Variants in ASB15 observed in about 807,000 individuals in gnomAD.
ASB15 encodes the protein ankyrin repeat and SOCS box protein 15.
In ASB15, 54 loss-of-function variants were observed where a neutral mutation model predicts 58.0. The ratio of observed to expected loss-of-function variants is 0.93; its 90% CI spans 0.75 to 1.17. ASB15 has a LOEUF of 1.17. Among genes scored for constraint, ASB15 ranks in the 50% most tolerant of loss-of-function variants. ASB15 has a pLI of 0.00. For missense variants in ASB15, 680 were observed against 707.4 expected, an observed-to-expected ratio of 0.96 and a Z score of 0.44; for synonymous variants, 249 against 262.4, an observed-to-expected ratio of 0.95 and a Z score of 0.50.
chr7:123,627,900 A>C (rs1333455659), intron 9 of ASB15, among the ~76,000 whole-genome samples: 1 of 152,210 alleles, frequency 6.6e-6, no homozygotes, highest in Non-Finnish European at 1.5e-5. Context: ...ATAAGCTCAA[A>C]AACTTTGAAG....
At chr7:123,594,981 CA>C (rs902193330) in intron 1 of ASB15, among the ~76,000 whole-genome samples, 2 of 152,180 alleles carry the variant, frequency 1.3e-5, no homozygotes, top group African/African-American at 4.8e-5. Context: ...ACACTGTGAG[CA>C]TAAAACCGCC....
chr7:123,605,355 G>A (rs1195091672), intron 2 of ASB15, among the ~76,000 whole-genome samples: 5 of 152,142 alleles, frequency 3.3e-5, no homozygotes, highest in African/African-American at 1.2e-4. Flanking sequence ...AGATGCTGGC[G>A]AGGTTATGGA....
intron 1 of ASB15, among the ~76,000 whole-genome samples, chr7:123,591,964 C>T (rs1241027036): frequency 6.6e-6 from 1 of 152,120 alleles, no homozygotes; most frequent in Non-Finnish European, 1.5e-5. Flanking sequence ...TTAATTAATG[C>T]CTCAATTTCA....
At chr7:123,614,438 C>T in intron 3 of ASB15, 63 bp from the exon 4 acceptor site, 1 of 980,250 alleles carries the variant, frequency 1.0e-6, no homozygotes, top group Non-Finnish European at 1.6e-6. Context: ...CATGTTTACT[C>T]TATGTACTGT....
At chr7:123,568,028 T>A (rs1798806377) in intron 1 of ASB15, among the ~76,000 whole-genome samples, 1 of 152,178 alleles carries the variant, frequency 6.6e-6, no homozygotes, top group South Asian at 2.1e-4. Context: ...TTTTCAGATA[T>A]GTTGATTTTC....
rs756655376 is a variant in ASB15, at chr7:123,629,098, C to T, written c.1104C>T (p.Val368=). 5 of 1,613,858 alleles carry T rather than the reference C, an allele frequency of 3.1e-6. No individual in the cohort carries two copies. Among genetic ancestry groups the T allele is most frequent in the Non-Finnish European group, 4.2e-6 (5 of 1,179,786 alleles). Residue 368 remains valine (V), a synonymous_variant, in exon 10 of 12, where the codon GTC becomes GTT. Coordinates refer to ENST00000451215, the MANE Select transcript of ASB15 (RefSeq NM_001290258.2). ...VSNNDVHCTE[V]LLAAGADPNL... is the part of the protein sequence containing the mutation. ...ATAATGACGTTCATTGCACAGAAGT[C>T]CTTCTGGCTGCAGGTGCAGACCCAA...
intron 1 of ASB15, among the ~76,000 whole-genome samples, chr7:123,595,508 A>G (rs1799668643): frequency 6.6e-6 from 1 of 152,156 alleles, no homozygotes; most frequent in African/African-American, 2.4e-5. Context: ...TTCAATGACC[A>G]ACTATCGTCA....
intron 2 of ASB15, among the ~76,000 whole-genome samples, chr7:123,605,544 G>A (rs184676166): frequency 2.6e-5 from 4 of 152,198 alleles, no homozygotes; most frequent in East Asian, 1.9e-4. Context: ...ACATGCACAC[G>A]TACGTTCACT....
In ASB15 at chr7:123,617,586, T is replaced by G. The variant is rs1354939540; in HGVS notation, c.300T>G (p.Tyr100Ter). 1.2e-6 allele frequency: 2 copies of G among 1,609,454 alleles called. No individual in the cohort carries two copies. The highest frequency in any genetic ancestry group is 1.7e-6 in the Non-Finnish European group (2 of 1,176,068). ...AATGCTTTCATGTCACAGCATCCTA[T>G]AAGACACTCTGGGAATTCAAGACCT... ...QILEIVLDAS[Y>*]KTLWEFKTCD... The change falls in exon 7 of 12, where the codon TAT becomes TAG. Residue 100 changes from tyrosine (Y) to a stop codon, truncating the protein, a stop_gained. Coordinates refer to ENST00000451215, the MANE Select transcript of ASB15 (RefSeq NM_001290258.2). LOFTEE classifies it high-confidence loss of function.
chr7:123,620,523 TATATATATATATATATATATATA>T (rs1562933146), intron 7 of ASB15, among the ~76,000 whole-genome samples: 1 of 13,488 alleles, frequency 7.4e-5, no homozygotes, highest in African/African-American at 2.7e-4. Context: ...TATATATATA[TATATATATATATATATATATATA>T]TATATATATT....
At chr7:123,589,836 G>A (rs1799483828) in intron 1 of ASB15, among the ~76,000 whole-genome samples, 1 of 152,178 alleles carries the variant, frequency 6.6e-6, no homozygotes, top group South Asian at 2.1e-4. Flanking sequence ...TATATACCCA[G>A]TAATGGGATC....
intron 1 of ASB15, among the ~76,000 whole-genome samples, chr7:123,574,506 A>G (rs1178065350): frequency 1.3e-5 from 2 of 152,194 alleles, no homozygotes; most frequent in African/African-American, 2.4e-5. Flanking sequence ...GATGATAATG[A>G]TAGTGGGCTG....
At chr7:123,611,634 G>A (rs2116482467) in intron 3 of ASB15, among the ~76,000 whole-genome samples, 1 of 152,280 alleles carries the variant, frequency 6.6e-6, no homozygotes, top group South Asian at 2.1e-4. Context: ...GCTCCATAGA[G>A]AACTGAACTG....
intron 1 of ASB15, among the ~76,000 whole-genome samples, chr7:123,575,548 A>G (rs1799040749): frequency 6.6e-6 from 1 of 151,710 alleles, no homozygotes; most frequent in African/African-American, 2.4e-5. Flanking sequence ...AATTCCCTAC[A>G]TTTCTTTTAT....
upstream of ASB15, among the ~76,000 whole-genome samples, chr7:123,598,090 C>T (rs116865292): frequency 5.6e-3 from 855 of 152,104 alleles, 25 homozygotes; most frequent in Admixed American, 0.037. Flanking sequence ...CCCAGAAGTG[C>T]CTAGCCTCAC....
At chr7:123,585,281 T>C (rs553090882) in intron 1 of ASB15, among the ~76,000 whole-genome samples, 5 of 151,768 alleles carry the variant, frequency 3.3e-5, no homozygotes, top group African/African-American at 1.2e-4. Flanking sequence ...AAATAAACTG[T>C]TTAACTGTTA....
chr7:123,596,127 T>C (rs1175671713), intron 1 of ASB15, among the ~76,000 whole-genome samples: 1 of 152,076 alleles, frequency 6.6e-6, no homozygotes, highest in Non-Finnish European at 1.5e-5. Context: ...ATCACACTTT[T>C]TCTAGTTTCC....
chr7:123,616,803 C>T (rs988170625), intron 6 of ASB15, among the ~76,000 whole-genome samples: 1 of 149,380 alleles, frequency 6.7e-6, no homozygotes, highest in African/African-American at 2.5e-5. Flanking sequence ...TCATATATAA[C>T]ACTTTTCTTT....
intron 1 of ASB15, among the ~76,000 whole-genome samples, chr7:123,580,560 G>A (rs1799199179): frequency 6.6e-6 from 1 of 152,052 alleles, no homozygotes; most frequent in African/African-American, 2.4e-5. Flanking sequence ...ATGCCATGAG[G>A]TTAAATGAGA....
Sources: gnomAD v4.1 joint callset for allele counts (sites outside exome capture counted in the v4.1 genomes callset) on GRCh38, gnomAD v4.1.1 for gene constraint, MANE v1.5 for transcripts, NCBI Gene and HGNC (gene_info 2026-07-23, HGNC 2026-07-21) for gene names.